GRID1: variants seen among roughly 807,000 people sequenced by gnomAD.
GRID1 encodes the protein glutamate ionotropic receptor delta type subunit 1.
In GRID1, 28 loss-of-function variants were observed where a neutral mutation model predicts 98.0. The ratio of observed to expected loss-of-function variants is 0.29; its 90% CI spans 0.21 to 0.39. The LOEUF is 0.39. Among genes scored for constraint, GRID1 ranks in the 10% least tolerant of loss-of-function variants. The pLI, the probability that GRID1 is intolerant of heterozygous loss-of-function variation, is 1.00. For missense variants in GRID1, 1,111 were observed against 1,340.5 expected (o/e 0.83, Z 2.67); for synonymous variants, 553 against 538.5 (o/e 1.03, Z -0.37).
At chr10:85,743,936 T>C (rs1841973962) in intron 8 of GRID1, among the ~76,000 whole-genome samples, 1 of 152,178 alleles carries the variant, frequency 6.6e-6, no homozygotes, top group Non-Finnish European at 1.5e-5. Context: ...GGATTCTGTT[T>C]TCAAGCAGAA....
chr10:85,855,732 G>C (rs1432962232), intron 7 of GRID1, among the ~76,000 whole-genome samples: 2 of 152,178 alleles, frequency 1.3e-5, no homozygotes, highest in African/African-American at 2.4e-5. Flanking sequence ...TTGCAGACAC[G>C]GGATAGGCAG....
chr10:86,206,031 G>A lies in GRID1; in HGVS notation c.520+333C>T, dbSNP rs1846020399. ...CACTCTTTGGAGAGGAGACCTCCAG[G>A]AGGAACCATGCTTTCCAGCCTCCAT... On this transcript the variant is annotated intron_variant, in intron 3 of 15. Transcript: ENST00000327946. This position sits in a 1 kb window ranked among gnomAD's most constrained non-coding sequence, Gnocchi z 4.1. Among the ~76,000 whole-genome samples, 2 of 152,212 alleles carry A rather than the reference G, an allele frequency of 1.3e-5. No individual in the cohort carries two copies. The highest frequency in any genetic ancestry group is 4.8e-5 in the African/African-American group (2 of 41,454).
At chr10:86,187,629 G>T (rs1233436448) in intron 3 of GRID1, among the ~76,000 whole-genome samples, 5 of 152,226 alleles carry the variant, frequency 3.3e-5, no homozygotes, top group Non-Finnish European at 7.3e-5. Flanking sequence ...TGGCATCTGT[G>T]CAAGCTGAGA....
At chr10:85,637,428 G>C (rs1221953864) in intron 13 of GRID1, among the ~76,000 whole-genome samples, 1 of 152,148 alleles carries the variant, frequency 6.6e-6, no homozygotes, top group Non-Finnish European at 1.5e-5. Flanking sequence ...AAAAGGTTTA[G>C]GCACATTTTA....
intron 8 of GRID1, among the ~76,000 whole-genome samples, chr10:85,801,898 A>G (rs933109479): frequency 1.3e-5 from 2 of 152,038 alleles, no homozygotes; most frequent in Non-Finnish European, 2.9e-5. Flanking sequence ...AATAATCTTG[A>G]GAAAAACTAT....
At chr10:85,968,450 CAAAAAAAA>C (rs56938729) in intron 4 of GRID1, among the ~76,000 whole-genome samples, 12 of 102,442 alleles carry the variant, frequency 1.2e-4, no homozygotes, top group Admixed American at 2.9e-4. Context: ...GACTCTGTCT[CAAAAAAAA>C]AAAAAAAAAA....
At chr10:85,626,331 C>T (rs1842911883) in intron 13 of GRID1, among the ~76,000 whole-genome samples, 1 of 152,244 alleles carries the variant, frequency 6.6e-6, no homozygotes, top group African/African-American at 2.4e-5. Context: ...GAAGTCTGTG[C>T]TGTCTCCTCT....
chr10:86,036,903 CAAATCA>C (rs1326660755), intron 4 of GRID1, among the ~76,000 whole-genome samples: 1 of 152,204 alleles, frequency 6.6e-6, no homozygotes. Flanking sequence ...GGCTACATTA[CAAATCA>C]AAATAAGCAA....
At chr10:85,976,565 C>A (rs1278629031) in intron 4 of GRID1, among the ~76,000 whole-genome samples, 1 of 152,226 alleles carries the variant, frequency 6.6e-6, no homozygotes, top group Non-Finnish European at 1.5e-5. Flanking sequence ...CTTAGAAAAC[C>A]TGACCTACCC....
chr10:85,631,985 G>GCA (rs10634848), intron 13 of GRID1, among the ~76,000 whole-genome samples: 26,182 of 147,670 alleles, frequency 0.18, 2,284 homozygotes, highest in South Asian at 0.24. Context: ...AAACACATAT[G>GCA]CACACACACA....
chr10:85,926,645 AC>A (rs1389529005), intron 4 of GRID1, among the ~76,000 whole-genome samples: 1 of 152,024 alleles, frequency 6.6e-6, no homozygotes, highest in Admixed American at 6.5e-5. Context: ...CCCAACGCCC[AC>A]CCCATTGCCA....
intron 4 of GRID1, among the ~76,000 whole-genome samples, chr10:85,965,034 A>G (rs1033127378): frequency 3.3e-5 from 5 of 152,278 alleles, no homozygotes; most frequent in Non-Finnish European, 5.9e-5. Flanking sequence ...ACATATGAAA[A>G]AAAGCTCATC....
At chr10:86,171,867 C>T (rs967997366) in intron 3 of GRID1, among the ~76,000 whole-genome samples, 1 of 152,154 alleles carries the variant, frequency 6.6e-6, no homozygotes, top group African/African-American at 2.4e-5. Flanking sequence ...ACGCTCTTCC[C>T]TAAAGATTTC....
chr10:86,204,170 C>T (rs551078992), intron 3 of GRID1, among the ~76,000 whole-genome samples: 54 of 152,324 alleles, frequency 3.5e-4, no homozygotes, highest in African/African-American at 1.3e-3. Context: ...CACCCCTTCC[C>T]TGCTACCTCA....
At position 86,347,801 on chromosome 10, in the gene GRID1, G is replaced by A. The variant is rs145722949; in HGVS notation, c.235+16140C>T. Among the ~76,000 whole-genome samples, 223 of 152,324 alleles carry A rather than the reference G, an allele frequency of 1.5e-3. 2 individuals are homozygous for A. Among genetic ancestry groups the A allele is most frequent in the African/African-American group, 5.2e-3 (217 of 41,566 alleles). On this transcript the variant is annotated intron_variant, in intron 2 of 15. Coordinates refer to ENST00000327946, the MANE Select transcript of GRID1 (RefSeq NM_017551.3). ...TTTCTGACACCAGCATGATTATTAT[G>A]ACTCACATGGAGGGTGATTTCAGAC...
intron 4 of GRID1, among the ~76,000 whole-genome samples, chr10:86,103,705 T>G (rs1015535649): frequency 4.6e-5 from 7 of 152,232 alleles, no homozygotes; most frequent in African/African-American, 1.7e-4. Flanking sequence ...TTTGCCACAG[T>G]GGGGGGCCCT....
chr10:85,962,116 T>C (rs1296427423), intron 4 of GRID1, among the ~76,000 whole-genome samples: 1 of 152,146 alleles, frequency 6.6e-6, no homozygotes, highest in Non-Finnish European at 1.5e-5. Context: ...GGCCACTCGC[T>C]CTCCTTTGGT....
chr10:85,717,044 C>G (rs1841648020), intron 12 of GRID1, among the ~76,000 whole-genome samples: 2 of 152,260 alleles, frequency 1.3e-5, no homozygotes, highest in Admixed American at 6.5e-5. Flanking sequence ...ATATAATGTA[C>G]AGCATGGTGC....
Position 86,006,803 on chromosome 10 carries a change from T to TAA in GRID1, c.727-90566_727-90565dup, listed in dbSNP as rs35058405. ...GGGGCCCTTCCTCCTTGAAGACAAT[T>TAA]AAAAAAAAAAAAACAATTCGGGTGT... On this transcript the variant is annotated intron_variant, in intron 4 of 15. Transcript: ENST00000327946. 4.2e-4 allele frequency among the ~76,000 whole-genome samples: 60 copies of TAA among 141,230 alleles called. No homozygotes were observed. The East Asian group carries it at 8.0e-3, about 19-fold the overall frequency. The allele number at this position is 141,230 out of a possible 152,430, so 92.7% of individuals were successfully genotyped here. A position where few individuals can be genotyped will look rare whatever the true frequency, so the allele number is the denominator to read the frequency against.
Sources: gnomAD v4.1 joint callset for allele counts (sites outside exome capture counted in the v4.1 genomes callset) on GRCh38, gnomAD v4.1.1 for gene constraint, Gnocchi (gnomAD v3.1) non-coding constraint, MANE v1.5 for transcripts, NCBI Gene and HGNC (gene_info 2026-07-23, HGNC 2026-07-21) for gene names.